JAKMIP2: variants seen among roughly 807,000 people sequenced by gnomAD.
JAKMIP2 encodes janus kinase and microtubule interacting protein 2.
In JAKMIP2, 25 loss-of-function variants were observed where a neutral mutation model predicts 115.0. That is an observed-to-expected ratio of 0.22 (90% CI 0.16 to 0.30). The LOEUF (loss-of-function observed/expected upper bound fraction) is 0.30, where lower values mean the gene tolerates loss of function less well. JAKMIP2 is among the 10% of genes least tolerant of loss of function. The pLI is 1.00. For synonymous variants in JAKMIP2, 334 were observed against 343.6 expected, an observed-to-expected ratio of 0.97 and a Z score of 0.31; for missense variants, 642 against 957.6, an observed-to-expected ratio of 0.67 and a Z score of 4.35.
In JAKMIP2 at chr5:147,619,889, A is replaced by C. The variant is rs74734643; in HGVS notation, c.2142+777T>G. ...TTACTATCCTCGTATGTAAGATATGAATAATAATCTTACCTATACCTCACA... is the reference window on the plus strand; with the variant it reads ...TTACTATCCTCGTATGTAAGATATGCATAATAATCTTACCTATACCTCACA... On this transcript the variant is annotated intron_variant, in intron 18 of 21. Coordinates refer to ENST00000616793, the MANE Select transcript of JAKMIP2 (RefSeq NM_001270941.2). Among the ~76,000 whole-genome samples, 957 of 152,278 alleles carry C rather than the reference A, an allele frequency of 6.3e-3. 52 individuals are homozygous for C. In the East Asian group the frequency reaches 0.13, roughly 21 times the overall value.
At position 147,644,152 on chromosome 5, in the gene JAKMIP2, A is replaced by G; in HGVS notation, c.1130T>C (p.Leu377Pro). 1.2e-6 allele frequency: 2 copies of G among 1,606,184 alleles called. No homozygotes were observed. Among genetic ancestry groups the G allele is most frequent in the Admixed American group, 3.3e-5 (2 of 59,882 alleles). ...SHPPLKKLKS[L>P]NDLDQANEEQ... ...TTCATTAGCTTGGTCGAGGTCATTC[A>G]GAGATTTTAATTTCTTCAGGGGTGG... Residue 377 changes from leucine to proline, a missense_variant, in exon 7 of 22, where the codon CTG becomes CCG. Physicochemically the swap from Leu to Pro is moderately conservative, Grantham distance 98. Coordinates refer to ENST00000616793, the MANE Select transcript of JAKMIP2 (RefSeq NM_001270941.2).
chr5:147,639,710 T>G lies in JAKMIP2; in HGVS notation c.1452A>C (p.Glu484Asp). The part of the protein sequence containing the change: ...SELRFRQLTK[E>D]YQALQRAYAL... ...CATATGCTCTTTGGAGGGCCTGATA[T>G]TCTTTTGTTAATTGTCGAAATCTTA... The change falls in exon 10 of 22, where the codon GAA becomes GAC. Residue 484 changes from glutamate (E) to aspartate (D), a missense_variant. Physicochemically the swap from Glu to Asp is conservative, Grantham distance 45. Around this residue, in one of 6 missense-constraint regions of JAKMIP2, gnomAD observed 103 missense variants for 177.6 expected, o/e 0.58. Transcript: ENST00000616793. 6.2e-7 allele frequency: 1 copy of G among 1,614,068 alleles called. No individual in the cohort carries two copies. Among genetic ancestry groups the G allele is most frequent in the Non-Finnish European group, 8.5e-7 (1 of 1,179,946 alleles).
intron 1 of JAKMIP2, among the ~76,000 whole-genome samples, chr5:147,700,953 T>A (rs193269765): frequency 3.9e-5 from 6 of 152,322 alleles, no homozygotes; most frequent in African/African-American, 1.4e-4. Flanking sequence ...TTTGAGCATA[T>A]TCATTTGGTT....
chr5:147,601,592 G>C (rs1037784196), intron 21 of JAKMIP2, 149 bp downstream of exon 21: 11 of 489,310 alleles, frequency 2.2e-5, no homozygotes, highest in East Asian at 3.6e-5. Context: ...GACAGAACAA[G>C]ACTCTGTCTC....
intron 1 of JAKMIP2, among the ~76,000 whole-genome samples, chr5:147,711,923 C>T (rs534482715): frequency 6.6e-6 from 1 of 152,332 alleles, no homozygotes; most frequent in East Asian, 1.9e-4. Context: ...CCGCCTCGGA[C>T]ACCGCGCCCA....
intron 1 of JAKMIP2, among the ~76,000 whole-genome samples, chr5:147,733,514 T>C (rs1753806933): frequency 6.6e-6 from 1 of 152,212 alleles, no homozygotes; most frequent in Non-Finnish European, 1.5e-5. Context: ...GTGCAGAACA[T>C]GCAGGTTTGT....
chr5:147,596,945 C>T (rs749556296), intron 21 of JAKMIP2, among the ~76,000 whole-genome samples: 2 of 152,076 alleles, frequency 1.3e-5, no homozygotes, highest in Non-Finnish European at 2.9e-5. Flanking sequence ...AATCTTGGCT[C>T]ACTGCAGCCT....
intron 13 of JAKMIP2, 128 bp from the exon 14 acceptor site, chr5:147,631,639 T>C: frequency 1.8e-6 from 1 of 556,686 alleles, no homozygotes. Flanking sequence ...AAAAATTCAA[T>C]CTCAAGATGT....
chr5:147,639,783 C>T (rs1757792322), intron 9 of JAKMIP2, 23 bp from the exon 10 acceptor site: 1 of 1,608,836 alleles, frequency 6.2e-7, no homozygotes, highest in Non-Finnish European at 8.5e-7. Context: ...AAAAAAAGCC[C>T]CAAAACAATT....
intron 3 of JAKMIP2, among the ~76,000 whole-genome samples, chr5:147,659,583 G>A (rs886813131): frequency 6.6e-6 from 1 of 152,024 alleles, no homozygotes; most frequent in Non-Finnish European, 1.5e-5. Flanking sequence ...CAGATCAAGT[G>A]GATATACTTA....
At chr5:147,715,671 T>C (rs1182861638) in intron 1 of JAKMIP2, among the ~76,000 whole-genome samples, 1 of 151,656 alleles carries the variant, frequency 6.6e-6, no homozygotes, top group East Asian at 1.9e-4. Flanking sequence ...AAAGGAAAAA[T>C]TGACCAAATT....
intron 3 of JAKMIP2, among the ~76,000 whole-genome samples, chr5:147,655,036 C>A (rs1758608906): frequency 6.6e-6 from 1 of 152,200 alleles, no homozygotes; most frequent in African/African-American, 2.4e-5. Flanking sequence ...ACCATCCTTG[C>A]ATCCCAGGGA....
rs749195810 is a variant in JAKMIP2 at position 147,640,691 on chromosome 5, T to C, written c.1401+13A>G. Reference sequence around the variant, plus strand: ...ACAATATCACCCTAGGCTAGAGAAGTAGAAAAGCTTACTTCATCCAAGTCA... The same window carrying C: ...ACAATATCACCCTAGGCTAGAGAAGCAGAAAAGCTTACTTCATCCAAGTCA... On this transcript the variant is annotated intron_variant, in intron 9 of 21. Coordinates refer to ENST00000616793, the MANE Select transcript of JAKMIP2 (RefSeq NM_001270941.2). 6.2e-6 allele frequency: 10 copies of C among 1,613,044 alleles called. No individual in the cohort carries two copies. Among genetic ancestry groups the C allele is most frequent in the African/African-American group, 5.3e-5 (4 of 74,874 alleles).
Position 147,588,642 on chromosome 5 carries a change from G to A in JAKMIP2, c.*3065C>T, listed in dbSNP as rs1754975413. 6.6e-6 allele frequency: 1 copy of A among 152,068 alleles called. No homozygotes were observed. The highest frequency in any genetic ancestry group is 2.1e-4 in the South Asian group (1 of 4,830). 9.4% of individuals were successfully genotyped at this position (152,068 alleles called of 1,614,324 possible). On this transcript the variant is annotated 3_prime_UTR_variant, in exon 22 of 22. Transcript: ENST00000616793. ...TGAGCAAGAGTTGGTAAAAATTACA[G>A]TTCAGTCTATAGTCTTGAGAAATTT...
intron 1 of JAKMIP2, among the ~76,000 whole-genome samples, chr5:147,692,145 T>C (rs1242767093): frequency 1.3e-5 from 2 of 152,180 alleles, no homozygotes; most frequent in African/African-American, 4.8e-5. Flanking sequence ...ACTGATGTCC[T>C]TTTAAAAAGG....
intron 1 of JAKMIP2, among the ~76,000 whole-genome samples, chr5:147,712,823 T>C (rs1484209975): frequency 1.3e-5 from 2 of 152,240 alleles, no homozygotes; most frequent in Non-Finnish European, 2.9e-5. Context: ...GCATACATTT[T>C]ACTGCAAACA....
At position 147,742,155 on chromosome 5, in the gene JAKMIP2, A is replaced by ATTTTTTT. The variant is rs755006646; in HGVS notation, c.-149+40294_-149+40300dup. 1.1e-3 allele frequency among the ~76,000 whole-genome samples: 123 copies of ATTTTTTT among 108,888 alleles called. 3 individuals are homozygous for ATTTTTTT. Among genetic ancestry groups the ATTTTTTT allele is most frequent in the Non-Finnish European group, 1.6e-3 (88 of 53,654 alleles). The allele number at this position is 108,888 out of a possible 152,430, so 71.4% of individuals were successfully genotyped here. A position where few individuals can be genotyped will look rare whatever the true frequency, so the allele number is the denominator to read the frequency against. On this transcript the variant is annotated intron_variant, in intron 1 of 21. Transcript: ENST00000616793. ...TGTGGATCATTATATATATATATAT[A>ATTTTTTT]TTTTTTTTACTATTGTATTGTATCT...
At chr5:147,691,706 T>A (rs1245337193) in intron 1 of JAKMIP2, among the ~76,000 whole-genome samples, 1 of 152,140 alleles carries the variant, frequency 6.6e-6, no homozygotes, top group Non-Finnish European at 1.5e-5. Flanking sequence ...AGTGTTTGCT[T>A]CTCTTTTGAC....
At chr5:147,659,785 G>A (rs2126776790) in intron 3 of JAKMIP2, among the ~76,000 whole-genome samples, 1 of 152,302 alleles carries the variant, frequency 6.6e-6, no homozygotes, top group South Asian at 2.1e-4. Context: ...TTGTCAAACA[G>A]TGCAATAGAA....
Sources: allele counts gnomAD v4.1 joint callset (sites outside exome capture counted in the v4.1 genomes callset), GRCh38; gene constraint gnomAD v4.1.1; regional missense constraint gnomAD v4.1.1; transcripts MANE v1.5; gene names NCBI Gene and HGNC (gene_info 2026-07-23, HGNC 2026-07-21).